Variants in MAF observed in about 807,000 individuals in gnomAD.
The protein encoded by MAF is transcription factor Maf.
In MAF, 10 loss-of-function variants were observed where a neutral mutation model predicts 22.0. The observed-to-expected ratio is 0.45, with a 90% CI of 0.28 to 0.77. MAF has a LOEUF of 0.77. Ranked by LOEUF, MAF falls within the 30% of genes least tolerant of loss-of-function variation. The pLI is 0.12. For missense variants in MAF, 544 were observed against 548.4 expected (o/e 0.99, Z 0.08); for synonymous variants, 337 against 255.8 (o/e 1.32, Z -3.03).
At chr16:79,498,799 C>A in the MAF span, among the ~76,000 whole-genome samples, 1 of 152,184 alleles carries the variant, frequency 6.6e-6, no homozygotes, top group Non-Finnish European at 1.5e-5. Flanking sequence ...TCTTACAGCC[C>A]TTGAAAGCTA....
At chr16:79,336,286 C>T in the MAF span, among the ~76,000 whole-genome samples, 109 of 152,298 alleles carry the variant, frequency 7.2e-4, no homozygotes, top group African/African-American at 2.6e-3. Context: ...TCACAACCAA[C>T]GCACAAGGGA....
chr16:79,380,006 T>C, the MAF span, among the ~76,000 whole-genome samples: 16 of 152,190 alleles, frequency 1.1e-4, no homozygotes, highest in African/African-American at 3.9e-4. Context: ...ACAGTTCTGC[T>C]TCAAGGTCCA....
At chr16:79,462,457 G>A in the MAF span, among the ~76,000 whole-genome samples, 2 of 152,148 alleles carry the variant, frequency 1.3e-5, no homozygotes, top group Non-Finnish European at 2.9e-5. Context: ...TGAGTTTAAT[G>A]TCTAAACTTC....
chr16:79,254,953 C>T, the MAF span, among the ~76,000 whole-genome samples: 1 of 152,174 alleles, frequency 6.6e-6, no homozygotes, highest in South Asian at 2.1e-4. Context: ...ATCCCCAGGT[C>T]AACGTATTCA....
the MAF span, among the ~76,000 whole-genome samples, chr16:79,281,546 CTTTTTTTTTTT>C: frequency 1.7e-5 from 2 of 115,538 alleles, no homozygotes; most frequent in South Asian, 3.3e-4. Context: ...TCTTTGAAGA[CTTTTTTTTTTT>C]TTTTTTTTTT....
At chr16:79,570,877 TA>T in the MAF span, among the ~76,000 whole-genome samples, 1 of 152,114 alleles carries the variant, frequency 6.6e-6, no homozygotes, top group Non-Finnish European at 1.5e-5. Context: ...ATGCTGAGCG[TA>T]AGGAGGAAAA....
At chr16:79,202,624 T>C in the MAF span, 2 of 152,216 alleles carry the variant, frequency 1.3e-5, no homozygotes, top group Non-Finnish European at 2.9e-5. Flanking sequence ...CACAACAGTC[T>C]AGGAAGAAAT....
the MAF span, among the ~76,000 whole-genome samples, chr16:79,423,329 T>C: frequency 2.6e-5 from 4 of 152,118 alleles, no homozygotes; most frequent in East Asian, 5.8e-4. Flanking sequence ...ATTTGGCTTG[T>C]CTGGAGAGCA....
At chr16:79,495,571 C>T in the MAF span, among the ~76,000 whole-genome samples, 1 of 152,172 alleles carries the variant, frequency 6.6e-6, no homozygotes, top group African/African-American at 2.4e-5. Context: ...TCTTCTTATG[C>T]CACAGTTTCT....
the MAF span, among the ~76,000 whole-genome samples, chr16:79,496,608 A>G: frequency 4.9e-4 from 74 of 152,330 alleles, no homozygotes; most frequent in African/African-American, 1.6e-3. Flanking sequence ...CATCTATATA[A>G]ATCGAGAATT....
At chr16:79,447,990 T>A in the MAF span, among the ~76,000 whole-genome samples, 14,255 of 151,334 alleles carry the variant, frequency 0.094, 1,146 homozygotes, top group African/African-American at 0.2. Context: ...ATGAATGAGA[T>A]GTTGCTGCTT....
At chr16:79,363,531 T>C in the MAF span, among the ~76,000 whole-genome samples, 2 of 152,344 alleles carry the variant, frequency 1.3e-5, no homozygotes, top group East Asian at 3.9e-4. Flanking sequence ...AAAAACAGAA[T>C]GGTTGGATGG....
the MAF span, among the ~76,000 whole-genome samples, chr16:79,549,391 C>T: frequency 6.6e-6 from 1 of 152,224 alleles, no homozygotes; most frequent in Non-Finnish European, 1.5e-5. Flanking sequence ...GAACACCCTG[C>T]AGCACAGCCA....
At chr16:79,204,664 C>G in the MAF span, 1 of 152,236 alleles carries the variant, frequency 6.6e-6, no homozygotes, top group Non-Finnish European at 1.5e-5. Flanking sequence ...TGAGAGCGTA[C>G]CAAGGTCACC....
the MAF span, among the ~76,000 whole-genome samples, chr16:79,315,705 C>T: frequency 3.9e-5 from 6 of 152,192 alleles, no homozygotes; most frequent in Non-Finnish European, 8.8e-5. Context: ...TGGCATTTTA[C>T]TCATATAGAT....
chr16:79,487,366 T>C, the MAF span, among the ~76,000 whole-genome samples: 1 of 152,162 alleles, frequency 6.6e-6, no homozygotes, highest in South Asian at 2.1e-4. Flanking sequence ...GAATATTCTA[T>C]ATTTTGATCT....
chr16:79,413,860 G>A, the MAF span, among the ~76,000 whole-genome samples: 7 of 152,254 alleles, frequency 4.6e-5, no homozygotes, highest in Non-Finnish European at 2.9e-5. Flanking sequence ...TCGTTCATTC[G>A]AGAAGAAAGA....
the MAF span, among the ~76,000 whole-genome samples, chr16:79,546,951 C>A: frequency 6.6e-6 from 1 of 152,144 alleles, no homozygotes; most frequent in South Asian, 2.1e-4. Flanking sequence ...TTAGGATATA[C>A]TATGTGACAA....
the MAF span, among the ~76,000 whole-genome samples, chr16:79,351,736 G>A: frequency 6.6e-6 from 1 of 152,046 alleles, no homozygotes; most frequent in Non-Finnish European, 1.5e-5. Context: ...CTGAGGTGTG[G>A]CAGGAAGTGA....
Sources: allele counts gnomAD v4.1 joint callset (sites outside exome capture counted in the v4.1 genomes callset), GRCh38; gene constraint gnomAD v4.1.1; transcripts MANE v1.5; gene names NCBI Gene and HGNC (gene_info 2026-07-23, HGNC 2026-07-21).